DIAPH2: variants seen among roughly 807,000 people sequenced by gnomAD.
The protein encoded by DIAPH2 is protein diaphanous homolog 2.
DIAPH2 carries 35 observed loss-of-function variants against 92.7 expected under a neutral mutation model. The ratio of observed to expected loss-of-function variants is 0.38; its 90% CI spans 0.29 to 0.50. The LOEUF (loss-of-function observed/expected upper bound fraction) is 0.50. DIAPH2 is among the 20% of genes least tolerant of loss of function. The probability of loss-of-function intolerance (pLI) is 0.94; values close to 1 mark genes in which losing one functional copy is unlikely to be tolerated. For synonymous variants in DIAPH2, 301 were observed against 280.4 expected, an observed-to-expected ratio of 1.07 and a Z score of -0.73; for missense variants, 701 against 819.5, an observed-to-expected ratio of 0.86 and a Z score of 1.77.
intron 20 of DIAPH2, among the ~76,000 whole-genome samples, chrX:97,114,280 T>C (rs1325111991): frequency 8.9e-6 from 1 of 112,065 alleles, no homozygotes; most frequent in East Asian, 2.8e-4. Context: ...TCAAACAGCA[T>C]AGTAATAGGT....
intron 1 of DIAPH2, among the ~76,000 whole-genome samples, chrX:96,711,829 A>T (rs1217791644): frequency 9.0e-6 from 1 of 110,756 alleles, no homozygotes; most frequent in African/African-American, 3.3e-5. Flanking sequence ...TAGTTTTTAG[A>T]TGTAACAGTC....
chrX:97,002,804 T>C lies in DIAPH2; in HGVS notation c.2050+37597T>C, dbSNP rs776103254. Among the ~76,000 whole-genome samples the C allele has an allele frequency of 1.3e-4, 14 of 111,741 alleles. 1 individual carries two copies. In the East Asian group the frequency reaches 3.6e-3, roughly 29 times the overall value. ...TTTCTTTTTGTTATACACAATCTAA[T>C]TATAATCTTTTAGTTATTTTAAAGT... On this transcript the variant is annotated intron_variant, in intron 17 of 26. Coordinates refer to ENST00000324765, the MANE Select transcript of DIAPH2 (RefSeq NM_006729.5).
chrX:96,831,244 A>G (rs188034122), intron 4 of DIAPH2, among the ~76,000 whole-genome samples: 11 of 111,493 alleles, frequency 9.9e-5, no homozygotes, highest in Non-Finnish European at 1.9e-4. Flanking sequence ...ACTTCCCACT[A>G]CAAAGTAGCT....
intron 4 of DIAPH2, among the ~76,000 whole-genome samples, chrX:96,797,658 C>T (rs1232625554): frequency 9.0e-6 from 1 of 111,472 alleles, no homozygotes; most frequent in Non-Finnish European, 1.9e-5. Context: ...GTGCCACACA[C>T]TTTAAAAAAA....
rs766983375 is a variant in DIAPH2 at position 97,178,443 on chromosome X, C to CTTTTTTT, written c.2719+36670_2719+36676dup. Among the ~76,000 whole-genome samples, 9 of 67,291 alleles carry CTTTTTTT rather than the reference C, an allele frequency of 1.3e-4. 2 individuals carry two copies. The highest frequency in any genetic ancestry group is 5.7e-4 in the African/African-American group (8 of 14,075). The allele number at this position is 67,291 out of a possible 115,157, so 58.4% of individuals were successfully genotyped here. Reference sequence around the variant, plus strand: ...GTACCTGTGACAGGCCTATATTTCTCTTTTTTTTTTTTTTTTTTTTTTTTT... The same window carrying CTTTTTTT: ...GTACCTGTGACAGGCCTATATTTCTCTTTTTTTTTTTTTTTTTTTTTTTTTTTTTTTT... On this transcript the variant is annotated intron_variant, in intron 22 of 26. Coordinates refer to ENST00000324765, the MANE Select transcript of DIAPH2 (RefSeq NM_006729.5).
At chrX:96,969,005 T>C (rs968564883) in intron 17 of DIAPH2, among the ~76,000 whole-genome samples, 17 of 112,550 alleles carry the variant, frequency 1.5e-4, no homozygotes, top group African/African-American at 4.2e-4. Flanking sequence ...TTTATTTTTG[T>C]TTGACTTTGT....
chrX:96,830,224 C>T (rs1016638351), intron 4 of DIAPH2, among the ~76,000 whole-genome samples: 1 of 111,077 alleles, frequency 9.0e-6, no homozygotes, highest in Non-Finnish European at 1.9e-5. Context: ...AATATATTTG[C>T]AACACATATG....
At chrX:97,545,533 A>ATAT (rs1556217617) in intron 26 of DIAPH2, among the ~76,000 whole-genome samples, 48 of 79,336 alleles carry the variant, frequency 6.1e-4, no homozygotes, top group African/African-American at 1.8e-3. Context: ...AAAAAAAAAA[A>ATAT]ATATATATAT....
intron 26 of DIAPH2, among the ~76,000 whole-genome samples, chrX:97,584,549 A>G (rs1228333347): frequency 8.9e-6 from 1 of 112,037 alleles, no homozygotes; most frequent in Non-Finnish European, 1.9e-5. Context: ...CAAATGCAGA[A>G]CATCCCTGTT....
At chrX:96,694,706 C>T (rs771410844) in intron 1 of DIAPH2, among the ~76,000 whole-genome samples, 19 of 111,710 alleles carry the variant, frequency 1.7e-4, no homozygotes, top group Non-Finnish European at 2.8e-4. Context: ...CAGGGCAGAA[C>T]ATATAGAAAG....
rs150191133 is a variant in DIAPH2 at position 97,076,940 on chromosome X, T to G, written c.2247+1679T>G. 9.9e-4 allele frequency among the ~76,000 whole-genome samples: 111 copies of G among 111,806 alleles called. 1 individual carries two copies. In the East Asian group the frequency reaches 0.019, roughly 19 times the overall value. ...GCTGAGGACTTTTTTAAAGCCAACT[T>G]GCTTTCCTTCTCAGTACCAGATACT... On this transcript the variant is annotated intron_variant, in intron 19 of 26. Transcript: ENST00000324765.
chrX:96,989,039 A>C (rs181255044), intron 17 of DIAPH2, among the ~76,000 whole-genome samples: 12 of 111,331 alleles, frequency 1.1e-4, no homozygotes, highest in African/African-American at 3.9e-4. Context: ...AATGACCTTC[A>C]TTTCTTTTGG....
intron 1 of DIAPH2, among the ~76,000 whole-genome samples, chrX:96,695,103 C>G (rs1346191766): frequency 9.0e-6 from 1 of 110,978 alleles, no homozygotes; most frequent in Non-Finnish European, 1.9e-5. Flanking sequence ...GTACATCACC[C>G]CACCCGGCTA....
chrX:96,764,002 A>AG (rs1374071229), intron 4 of DIAPH2, among the ~76,000 whole-genome samples: 1 of 106,183 alleles, frequency 9.4e-6, no homozygotes, highest in Admixed American at 1.0e-4. Context: ...CGAGACATCT[A>AG]GGGGGAAAAG....
Position 97,568,138 on chromosome X carries a change from A to C in DIAPH2, c.3242-31115A>C, listed in dbSNP as rs1372219872. Among the ~76,000 whole-genome samples the C allele has an allele frequency of 2.8e-5, 3 of 107,926 alleles. No homozygotes were observed. In the East Asian group the frequency reaches 8.5e-4, roughly 31 times the overall value. The allele number at this position is 107,926 out of a possible 115,157, so 93.7% of individuals were successfully genotyped here. A position where few individuals can be genotyped will look rare whatever the true frequency, so the allele number is the denominator to read the frequency against. On this transcript the variant is annotated intron_variant, in intron 26 of 26. Transcript: ENST00000324765. ...CTCAAAAAAAAAAAAAAAAAAAAAA[A>C]AGAGTGGTTGGAAATTTTGATACAA...
rs747250452 is a variant in DIAPH2 at position 97,025,658 on chromosome X, AAAAC to A, written c.2051-47263_2051-47260del. On this transcript the variant is annotated intron_variant, in intron 17 of 26. Transcript: ENST00000324765. Reference sequence around the variant, plus strand: ...CAGAGCAAGACTCCGTCTCAAAAACAAAACAAACAAACAAACAAACAAAAAAACA... The same window carrying A: ...CAGAGCAAGACTCCGTCTCAAAAACAAAACAAACAAACAAACAAAAAAACA... 1.0e-2 allele frequency among the ~76,000 whole-genome samples: 1,110 copies of A among 111,235 alleles called. 12 individuals are homozygous for A. The highest frequency in any genetic ancestry group is 0.033 in the African/African-American group (1,017 of 30,657).
chrX:97,067,940 A>T (rs1602318272), intron 17 of DIAPH2, among the ~76,000 whole-genome samples: 1 of 111,530 alleles, frequency 9.0e-6, no homozygotes, highest in African/African-American at 3.3e-5. Context: ...CACTTGACCT[A>T]CAAGCAGAAA....
At chrX:97,468,210 C>T (rs1011355774) in intron 26 of DIAPH2, among the ~76,000 whole-genome samples, 2 of 111,847 alleles carry the variant, frequency 1.8e-5, no homozygotes, top group African/African-American at 6.5e-5. Context: ...TGTAATGTTC[C>T]GAATGTCAGC....
intron 25 of DIAPH2, among the ~76,000 whole-genome samples, chrX:97,411,348 A>C (rs2069870686): frequency 8.9e-6 from 1 of 111,847 alleles, no homozygotes; most frequent in South Asian, 3.7e-4. Flanking sequence ...CAGACAAACA[A>C]ATGCTGAGAG....
Sources: gnomAD v4.1 joint callset for allele counts (sites outside exome capture counted in the v4.1 genomes callset) on GRCh38, gnomAD v4.1.1 for gene constraint, MANE v1.5 for transcripts, NCBI Gene and HGNC (gene_info 2026-07-23, HGNC 2026-07-21) for gene names.